Variants in NAA25 observed in about 807,000 individuals in gnomAD.
NAA25 encodes the protein N-alpha-acetyltransferase 25, NatB auxiliary subunit.
A neutral mutation model predicts 132.5 loss-of-function variants in NAA25; 30 were observed. The ratio of observed to expected loss-of-function variants is 0.23; its 90% CI spans 0.17 to 0.31. The LOEUF is 0.31. Among genes scored for constraint, NAA25 ranks in the 10% least tolerant of loss-of-function variants. NAA25 has a pLI of 1.00. For missense variants in NAA25, 771 were observed against 1,150.4 expected, an observed-to-expected ratio of 0.67 and a Z score of 4.77; for synonymous variants, 359 against 401.9, an observed-to-expected ratio of 0.89 and a Z score of 1.28.
At chr12:112,040,224 G>T in intron 21 of NAA25, 1 of 307,902 alleles carries the variant, frequency 3.2e-6, no homozygotes, top group Non-Finnish European at 5.9e-6. Flanking sequence ...CTAGATTTGA[G>T]GTGAATCTGG....
chr12:112,054,327 G>C (rs1244997748), intron 14 of NAA25, 61 bp downstream of exon 14: 27 of 1,412,834 alleles, frequency 1.9e-5, no homozygotes, highest in Non-Finnish European at 2.5e-5. Context: ...CTAAGTTAGA[G>C]TCCTGTGTAC....
rs761468380 is a variant in NAA25 at position 112,074,756 on chromosome 12, T to G, written c.785A>C (p.Asp262Ala). Residue 262 changes from aspartate to alanine, a missense_variant, in exon 9 of 24, where the codon GAC becomes GCC. Coordinates refer to ENST00000261745, the MANE Select transcript of NAA25 (RefSeq NM_024953.4). ...SRRLLLKNSD[D>A]WQFYLTYFDS... Reference sequence around the variant, plus strand: ...GAAATAAGTCAGATAGAACTGCCAGTCATCTGAGCTAAAATCAGATTGAAT... The same window carrying G: ...GAAATAAGTCAGATAGAACTGCCAGGCATCTGAGCTAAAATCAGATTGAAT... 4 of 1,609,614 alleles carry G rather than the reference T, an allele frequency of 2.5e-6. No homozygotes were observed. Among genetic ancestry groups the G allele is most frequent in the Admixed American group, 1.7e-5 (1 of 59,656 alleles).
chr12:112,071,953 A>G lies in NAA25; in HGVS notation c.978T>C (p.Ala326=). 1 of 1,614,108 alleles carries G rather than the reference A, an allele frequency of 6.2e-7. No homozygotes were observed. Among genetic ancestry groups the G allele is most frequent in the Non-Finnish European group, 8.5e-7 (1 of 1,179,996 alleles). ...SSRHLRGPHL[A]KLELIRRLRS... Reference sequence around the variant, plus strand: ...GTAAACGCCTAATCAGCTCCAATTTAGCTAGATGTGGTCCTCGGAGATGGC... The same window carrying G: ...GTAAACGCCTAATCAGCTCCAATTTGGCTAGATGTGGTCCTCGGAGATGGC... Residue 326 remains alanine, a synonymous_variant, in exon 10 of 24, where the codon GCT becomes GCC. Coordinates refer to ENST00000261745, the MANE Select transcript of NAA25 (RefSeq NM_024953.4).
chr12:112,042,084 C>T lies in NAA25; in HGVS notation c.2395G>A (p.Glu799Lys), dbSNP rs2078307270. The T allele has an allele frequency of 1.3e-6, 2 of 1,484,598 alleles. No homozygotes were observed. The highest frequency in any genetic ancestry group is 2.7e-5 in the South Asian group (2 of 73,034). The allele number at this position is 1,484,598 out of a possible 1,614,324, so 92.0% of individuals were successfully genotyped here. The change falls in exon 20 of 24, where the codon GAA becomes AAA. Residue 799 changes from glutamate (E) to lysine (K), a missense_variant. Glu to Lys is a moderately conservative substitution (Grantham distance 56, BLOSUM62 1). Around this residue, in one of 3 missense-constraint regions of NAA25, gnomAD observed 324 missense variants for 400.0 expected, o/e 0.81. Transcript: ENST00000261745. ...GACTTAAAACTATTTTCTATTCGTT[C>T]CTGAATCTCCATTGTATCCTCTAAA... Reference protein sequence around the residue: ...SGLEDTMEIQERIENSFKSLL... With the variant: ...SGLEDTMEIQKRIENSFKSLL...
intron 19 of NAA25, 53 bp downstream of exon 19, chr12:112,043,035 G>A (rs1042065063): frequency 1.5e-5 from 22 of 1,487,076 alleles, no homozygotes; most frequent in East Asian, 2.3e-5. Flanking sequence ...ATTTTATTAC[G>A]TGTACTACAT....
chr12:112,053,486 T>C (rs1326340452), intron 15 of NAA25, 72 bp downstream of exon 15: 10 of 1,083,860 alleles, frequency 9.2e-6, no homozygotes, highest in African/African-American at 1.6e-5. Context: ...ACTTGTGACA[T>C]GTGGTGACGT....
intron 1 of NAA25, among the ~76,000 whole-genome samples, chr12:112,107,695 A>G (rs1488382461): frequency 6.6e-6 from 1 of 152,162 alleles, no homozygotes; most frequent in Non-Finnish European, 1.5e-5. Context: ...ATTTAGTAAC[A>G]TCCACATGAG....
chr12:112,105,945 C>T (rs1202556567), intron 1 of NAA25, among the ~76,000 whole-genome samples: 1 of 152,200 alleles, frequency 6.6e-6, no homozygotes, highest in African/African-American at 2.4e-5. Flanking sequence ...TGGGCAAGTA[C>T]CACCATAGAT....
chr12:112,089,994 G>A (rs2079108696), intron 3 of NAA25, among the ~76,000 whole-genome samples: 1 of 147,612 alleles, frequency 6.8e-6, no homozygotes, highest in South Asian at 2.2e-4. Flanking sequence ...ACCACACCCA[G>A]TTAATTTTTG....
intron 22 of NAA25, chr12:112,034,609 G>A (rs921087083): frequency 6.6e-6 from 1 of 152,342 alleles, no homozygotes; most frequent in Non-Finnish European, 1.5e-5. Flanking sequence ...CTGGGTAACA[G>A]AGCGAGACTC....
chr12:112,047,929 C>T (rs1057016436), intron 16 of NAA25, 139 bp from the exon 17 acceptor site: 1 of 896,696 alleles, frequency 1.1e-6, no homozygotes, highest in South Asian at 2.1e-5. Context: ...GAACCAAGCG[C>T]AGATCAAACT....
chr12:112,048,251 C>A (rs534265639), intron 16 of NAA25, 41 bp downstream of exon 16: 59 of 1,585,876 alleles, frequency 3.7e-5, no homozygotes, highest in Non-Finnish European at 4.7e-5. Context: ...AACAACTGAT[C>A]TAATCCCTTA....
chr12:112,091,822 A>G (rs1280721275), intron 2 of NAA25, among the ~76,000 whole-genome samples: 1 of 152,164 alleles, frequency 6.6e-6, no homozygotes, highest in African/African-American at 2.4e-5. Flanking sequence ...TGATTGTGCT[A>G]TTGCACTCCA....
Position 112,047,667 on chromosome 12 carries a change from G to A in NAA25, c.2004C>T (p.Asp668=). 2 of 1,608,440 alleles carry A rather than the reference G, an allele frequency of 1.2e-6. No individual in the cohort carries two copies. Among genetic ancestry groups the A allele is most frequent in the Non-Finnish European group, 1.7e-6 (2 of 1,178,736 alleles). Residue 668 remains aspartate (D), a splice_region_variant and synonymous_variant, in exon 17 of 24, where the codon GAC becomes GAT. Coordinates refer to ENST00000261745, the MANE Select transcript of NAA25 (RefSeq NM_024953.4). The stretch of plus-strand genomic sequence containing the variant: ...GCTTGGGGTTAAATTCCAGTTACCT[G>A]TCTTTTGGATCCCAGCTGAAAAAAA... ...LNVFFSWDPK[D]RDVSEEHKKL... is the part of the protein sequence containing the mutation.
At chr12:112,058,785 G>A (rs1288028639) in intron 13 of NAA25, among the ~76,000 whole-genome samples, 9 of 151,986 alleles carry the variant, frequency 5.9e-5, no homozygotes, top group African/African-American at 1.9e-4. Flanking sequence ...CTGGTCAGGC[G>A]CAGTGGCTCA....
chr12:112,101,286 G>T (rs1446895009), intron 1 of NAA25, among the ~76,000 whole-genome samples: 1 of 152,110 alleles, frequency 6.6e-6, no homozygotes, highest in South Asian at 2.1e-4. Context: ...ATTTCAAGGA[G>T]ATAAGCTCCT....
intron 17 of NAA25, among the ~76,000 whole-genome samples, chr12:112,044,564 G>A (rs1456939129): frequency 1.3e-5 from 2 of 151,974 alleles, no homozygotes; most frequent in South Asian, 2.1e-4. Context: ...CAGCTACTCA[G>A]GAGGCTGAGA....
intron 5 of NAA25, 47 bp downstream of exon 5, chr12:112,081,013 T>TA (rs1314630910): frequency 1.4e-6 from 2 of 1,478,554 alleles, no homozygotes; most frequent in East Asian, 4.5e-5. Context: ...AATAACTATA[T>TA]AAAAAATAAA....
intron 19 of NAA25, among the ~76,000 whole-genome samples, chr12:112,042,509 A>AT (rs773240054): frequency 2.5e-3 from 355 of 144,518 alleles, no homozygotes; most frequent in Admixed American, 4.3e-3. Context: ...TCTTATTTTT[A>AT]TTTTTTTTTT....
Sources: allele counts gnomAD v4.1 joint callset (sites outside exome capture counted in the v4.1 genomes callset), GRCh38; gene constraint gnomAD v4.1.1; regional missense constraint gnomAD v4.1.1; transcripts MANE v1.5; gene names NCBI Gene and HGNC (gene_info 2026-07-23, HGNC 2026-07-21).